The following SHPRH variants were observed in gnomAD, a reference collection of about 807,000 sequenced individuals.
The protein encoded by SHPRH is E3 ubiquitin-protein ligase SHPRH.
SHPRH carries 106 observed loss-of-function variants against 202.5 expected under a neutral mutation model. The ratio of observed to expected loss-of-function variants is 0.52; its 90% CI spans 0.45 to 0.62. The LOEUF is 0.62. Ranked by LOEUF, SHPRH falls within the 20% of genes least tolerant of loss-of-function variation. The pLI, the probability that SHPRH is intolerant of heterozygous loss-of-function variation, is 0.00. For missense variants in SHPRH, 1,710 were observed against 2,020.0 expected, an observed-to-expected ratio of 0.85 and a Z score of 2.94; for synonymous variants, 729 against 686.0, an observed-to-expected ratio of 1.06 and a Z score of -0.98.
intron 13 of SHPRH, among the ~76,000 whole-genome samples, chr6:145,934,625 A>T (rs1459187945): frequency 2.0e-5 from 3 of 151,826 alleles, no homozygotes; most frequent in African/African-American, 7.3e-5. Flanking sequence ...TGATCACACC[A>T]CTGCACTCCA....
intron 8 of SHPRH, 60 bp downstream of exon 8, chr6:145,945,321 G>A: frequency 6.6e-7 from 1 of 1,512,360 alleles, no homozygotes; most frequent in Non-Finnish European, 8.8e-7. Context: ...ATCTGTCAAT[G>A]TACTCAGTAA....
downstream of SHPRH, among the ~76,000 whole-genome samples, chr6:145,864,000 C>T (rs1277610015): frequency 6.6e-6 from 1 of 152,158 alleles, no homozygotes; most frequent in Non-Finnish European, 1.5e-5. Context: ...AAGTAATTTG[C>T]ATCATGTGAG....
At chr6:145,962,432 C>T (rs1366820677) in intron 1 of SHPRH, among the ~76,000 whole-genome samples, 2 of 152,168 alleles carry the variant, frequency 1.3e-5, no homozygotes, top group African/African-American at 4.8e-5. Flanking sequence ...CTCTTATCCA[C>T]ATTCTAGAAG....
Position 145,888,008 on chromosome 6 carries a change from A to G in SHPRH, c.4955+12T>C. ...ACCTTCCCCCTTCTACTTGTGGTAA[A>G]TTATTACCTACCTTCTCTCAGCAGT... On this transcript the variant is annotated intron_variant, in intron 29 of 29. Coordinates refer to ENST00000275233, the MANE Select transcript of SHPRH (RefSeq NM_001042683.3). 1 of 1,600,066 alleles carries G rather than the reference A, an allele frequency of 6.2e-7. No individual in the cohort carries two copies. The highest frequency in any genetic ancestry group is 8.6e-7 in the Non-Finnish European group (1 of 1,167,974).
intron 6 of SHPRH, 125 bp from the exon 7 acceptor site, chr6:145,946,466 G>T: frequency 1.5e-6 from 1 of 650,868 alleles, no homozygotes; most frequent in South Asian, 2.5e-5. Flanking sequence ...CAAGAGAAAG[G>T]GCCAAATAGC....
At chr6:145,954,487 A>G (rs1289103759) in intron 2 of SHPRH, among the ~76,000 whole-genome samples, 1 of 152,170 alleles carries the variant, frequency 6.6e-6, no homozygotes, top group Non-Finnish European at 1.5e-5. Flanking sequence ...CTGAAAGTAG[A>G]GATGGAAGAT....
At chr6:145,863,359 G>A (rs1361125618), downstream of SHPRH, among the ~76,000 whole-genome samples, 1 of 152,188 alleles carries the variant, frequency 6.6e-6, no homozygotes, top group Non-Finnish European at 1.5e-5. Context: ...GCTTGCAAAA[G>A]GGTAGACATA....
At chr6:145,914,703 AT>A (rs748624400) in intron 23 of SHPRH, among the ~76,000 whole-genome samples, 17 of 152,082 alleles carry the variant, frequency 1.1e-4, no homozygotes, top group Non-Finnish European at 2.5e-4. Flanking sequence ...TCTAATTTCC[AT>A]TTTGACTTCT....
At chr6:145,957,608 G>A (rs1788640868) in intron 1 of SHPRH, among the ~76,000 whole-genome samples, 1 of 152,068 alleles carries the variant, frequency 6.6e-6, no homozygotes, top group Non-Finnish European at 1.5e-5. Context: ...ATTTTCACCA[G>A]CATCAGTCAT....
At chr6:145,926,692 ACTT>A (rs1254782911) in intron 15 of SHPRH, among the ~76,000 whole-genome samples, 1 of 151,926 alleles carries the variant, frequency 6.6e-6, no homozygotes, top group African/African-American at 2.4e-5. Context: ...ACCCATTTCT[ACTT>A]CTTATTTAGC....
intron 2 of SHPRH, 34 bp downstream of exon 2, chr6:145,954,656 A>G (rs753743098): frequency 2.4e-5 from 37 of 1,532,998 alleles, no homozygotes; most frequent in Non-Finnish European, 3.2e-5. Context: ...AATGTAGAAG[A>G]GCCTCAAAAA....
At chr6:145,919,214 G>A in intron 22 of SHPRH, 134 bp downstream of exon 22, 1 of 1,277,566 alleles carries the variant, frequency 7.8e-7, no homozygotes, top group African/African-American at 1.5e-5. Flanking sequence ...ATTTTCTATG[G>A]GTCAAATTAA....
chr6:145,897,160 T>C (rs1309242819), intron 25 of SHPRH, among the ~76,000 whole-genome samples: 1 of 151,722 alleles, frequency 6.6e-6, no homozygotes, highest in African/African-American at 2.4e-5. Flanking sequence ...TTAGGTAGAC[T>C]AAGAAAAAAT....
chr6:145,906,868 C>T (rs1039387860), intron 25 of SHPRH: 6 of 152,330 alleles, frequency 3.9e-5, no homozygotes, highest in African/African-American at 1.2e-4. Context: ...TGTAGTTGAT[C>T]CACCTTCAGC....
Position 145,919,494 on chromosome 6 carries a change from G to A in SHPRH, c.4009-3C>T. The A allele has an allele frequency of 6.2e-7, 1 of 1,611,872 alleles. No homozygotes were observed. Among genetic ancestry groups the A allele is most frequent in the Middle Eastern group, 1.7e-4 (1 of 6,042 alleles). ...GCCATCCAATATTCATGAAGCAACT[G>A]AAGGAATAGAAAAGACAAACACAGT... On this transcript the variant is annotated splice_polypyrimidine_tract_variant and splice_region_variant and intron_variant, in intron 21 of 29. Transcript: ENST00000275233.
chr6:145,864,973 ACAC>A (rs1336337330), intron 2 of SHPRH, among the ~76,000 whole-genome samples: 3 of 150,900 alleles, frequency 2.0e-5, no homozygotes, highest in South Asian at 2.1e-4. Context: ...ACACACACAC[ACAC>A]ACTTTGAGAC....
rs775826990 is a variant in SHPRH at position 145,935,137 on chromosome 6, T to A, written c.2760A>T (p.Glu920Asp). 4 of 1,613,958 alleles carry A rather than the reference T, an allele frequency of 2.5e-6. No individual in the cohort carries two copies. The highest frequency in any genetic ancestry group is 3.4e-6 in the Non-Finnish European group (4 of 1,179,966). The change falls in exon 13 of 30, where the codon GAA becomes GAT. Residue 920 changes from glutamate (E) to aspartate (D), a missense_variant. Physicochemically the swap from Glu to Asp is conservative, Grantham distance 45. This residue lies in a region of SHPRH where 277 missense variants were observed against 363.0 expected (regional missense o/e 0.76). Transcript: ENST00000275233. ...DQIQIPPQTE[E>D]IHWLHFSPVE... ...CTGGAGAAAAGTGGAGCCAGTGTATTTCTTCGGTTTGTGGTGGTATTTGGA... is the reference window on the plus strand; with the variant it reads ...CTGGAGAAAAGTGGAGCCAGTGTATATCTTCGGTTTGTGGTGGTATTTGGA...
At chr6:145,905,477 C>T (rs1043443222) in intron 25 of SHPRH, 3 of 151,994 alleles carry the variant, frequency 2.0e-5, no homozygotes, top group African/African-American at 4.8e-5. Context: ...TGACTGCTTC[C>T]AAAACCCCTG....
chr6:145,955,328 A>C lies in SHPRH; in HGVS notation c.-6T>G, dbSNP rs1788396793. On this transcript the variant is annotated 5_prime_UTR_variant, in exon 2 of 30. Transcript: ENST00000275233. ...CGTTTCCGTCGGCTGCTCATTTTCA[A>C]GTTTTCTTGGCTGGTAACTGTGAAC... is the stretch of plus-strand genomic sequence containing the variant. The C allele has an allele frequency of 6.3e-7, 1 of 1,588,292 alleles. No homozygotes were observed. Among genetic ancestry groups the C allele is most frequent in the Non-Finnish European group, 8.5e-7 (1 of 1,170,330 alleles).
Sources: gnomAD v4.1 joint callset for allele counts (sites outside exome capture counted in the v4.1 genomes callset) on GRCh38, gnomAD v4.1.1 for gene constraint, gnomAD v4.1.1 regional missense constraint, MANE v1.5 for transcripts, NCBI Gene and HGNC (gene_info 2026-07-23, HGNC 2026-07-21) for gene names.